The following SYMPK variants were observed in gnomAD, a reference collection of about 807,000 sequenced individuals.
SYMPK encodes the protein symplekin scaffold protein, also known as symplekin.
Under a neutral mutation model 136.4 loss-of-function variants are expected in SYMPK, and 49 were observed. That is an observed-to-expected ratio of 0.36 (90% CI 0.29 to 0.46). The LOEUF (loss-of-function observed/expected upper bound fraction) is 0.46. Among genes scored for constraint, SYMPK ranks in the 20% least tolerant of loss-of-function variants. The pLI, the probability that SYMPK is intolerant of heterozygous loss-of-function variation, is 1.00. For synonymous variants in SYMPK, 766 were observed against 713.0 expected, an observed-to-expected ratio of 1.07 and a Z score of -1.19; for missense variants, 1,365 against 1,690.0, an observed-to-expected ratio of 0.81 and a Z score of 3.37.
At chr19:45,834,116 G>A (rs1309010774) in intron 11 of SYMPK, among the ~76,000 whole-genome samples, 4 of 152,302 alleles carry the variant, frequency 2.6e-5, no homozygotes, top group South Asian at 2.1e-4. Flanking sequence ...TGAAACCCCC[G>A]TCTCTACTAA....
chr19:45,861,611 C>T (rs1971969582), intron 1 of SYMPK, among the ~76,000 whole-genome samples: 2 of 151,858 alleles, frequency 1.3e-5, no homozygotes, highest in Non-Finnish European at 2.9e-5. Context: ...TGGTGGTGTG[C>T]CTGTAATCCC....
chr19:45,859,814 G>A (rs1195233776), intron 1 of SYMPK, among the ~76,000 whole-genome samples: 6 of 151,870 alleles, frequency 4.0e-5, no homozygotes, highest in African/African-American at 9.7e-5. Context: ...GGCTGAAGCA[G>A]GAAGAGTACT....
At chr19:45,816,250 G>A in intron 25 of SYMPK, 67 bp from the exon 26 acceptor site, 2 of 1,239,562 alleles carry the variant, frequency 1.6e-6, no homozygotes, top group Non-Finnish European at 1.1e-6. Flanking sequence ...GGAAAGAGAA[G>A]GAACCACCCT....
chr19:45,821,209 G>A lies in SYMPK; in HGVS notation c.2893+175C>T, dbSNP rs1418746955. ...AAGGAGGAGGGAGGGAGGGAGGGAG[G>A]GAAGAGGAGGCAAGAAAAGGAGGGA... is the stretch of plus-strand genomic sequence containing the variant. On this transcript the variant is annotated intron_variant, in intron 22 of 26. Transcript: ENST00000245934. This position sits in a 1 kb window ranked among gnomAD's most constrained non-coding sequence, Gnocchi z 4.4. 5 of 695,592 alleles carry A rather than the reference G, an allele frequency of 7.2e-6. No individual in the cohort carries two copies. Among genetic ancestry groups the A allele is most frequent in the Middle Eastern group, 2.4e-4 (1 of 4,240 alleles). The allele number at this position is 695,592 out of a possible 1,614,324, so 43.1% of individuals were successfully genotyped here. A position where few individuals can be genotyped will look rare whatever the true frequency, so the allele number is the denominator to read the frequency against.
At chr19:45,857,578 G>A (rs1241506657) in intron 1 of SYMPK, among the ~76,000 whole-genome samples, 3 of 149,608 alleles carry the variant, frequency 2.0e-5, no homozygotes, top group Non-Finnish European at 4.4e-5. Context: ...TGCAAGCTCC[G>A]CCTCCTGGGT....
chr19:45,823,136 G>C (rs771687044), intron 20 of SYMPK, among the ~76,000 whole-genome samples: 1 of 152,228 alleles, frequency 6.6e-6, no homozygotes, highest in African/African-American at 2.4e-5. Context: ...AGGTAGAGGA[G>C]GAAGCAGCAG....
At chr19:45,862,256 T>C (rs1331640490) in intron 1 of SYMPK, among the ~76,000 whole-genome samples, 2 of 152,206 alleles carry the variant, frequency 1.3e-5, no homozygotes, top group Non-Finnish European at 2.9e-5. Flanking sequence ...GGGATGCGTG[T>C]AGCCTTTTGC....
At chr19:45,815,752 C>A (rs1213254437) in intron 26 of SYMPK, 55 bp from the exon 27 acceptor site, 5 of 1,597,640 alleles carry the variant, frequency 3.1e-6, no homozygotes, top group African/African-American at 2.7e-5. Context: ...CACCTCCACG[C>A]TCCCCTTCAG....
intron 11 of SYMPK, among the ~76,000 whole-genome samples, chr19:45,833,429 G>A (rs756049178): frequency 2.6e-4 from 40 of 151,868 alleles, no homozygotes; most frequent in Non-Finnish European, 5.3e-4. Flanking sequence ...GTGAAACCCC[G>A]TCTCTACTAA....
chr19:45,842,166 TAAATACAA>T, intron 9 of SYMPK, 76 bp downstream of exon 9: 1 of 1,574,238 alleles, frequency 6.4e-7, no homozygotes, highest in African/African-American at 1.3e-5. Context: ...ATAATCTTAG[TAAATACAA>T]ATTCAGCATA....
chr19:45,822,276 G>A (rs796657879), intron 21 of SYMPK, among the ~76,000 whole-genome samples: 11 of 152,096 alleles, frequency 7.2e-5, no homozygotes, highest in African/African-American at 2.7e-4. Context: ...CCGCCACCAC[G>A]CCTGGCTAAT....
intron 1 of SYMPK, among the ~76,000 whole-genome samples, chr19:45,862,816 A>C (rs1972005984): frequency 6.6e-6 from 1 of 152,202 alleles, no homozygotes; most frequent in East Asian, 1.9e-4. Context: ...GTGGGGGAAA[A>C]AGCAAAGAGG....
At chr19:45,817,199 C>G in intron 23 of SYMPK, 1 of 525,480 alleles carries the variant, frequency 1.9e-6, no homozygotes, top group Non-Finnish European at 3.3e-6. Flanking sequence ...GAAAACTCAG[C>G]CGCCTTTTAC....
chr19:45,843,958 AAAAAAAAAAAAAG>A, intron 8 of SYMPK, 59 bp downstream of exon 8: 1 of 1,037,750 alleles, frequency 9.6e-7, no homozygotes, highest in Non-Finnish European at 1.2e-6. Flanking sequence ...AAAAAAAAAA[AAAAAAAAAAAAAG>A]AAAGAGCAGA....
chr19:45,861,620 C>T (rs922853721), intron 1 of SYMPK, among the ~76,000 whole-genome samples: 5 of 151,636 alleles, frequency 3.3e-5, no homozygotes, highest in African/African-American at 1.2e-4. Context: ...GCCTGTAATC[C>T]CAGCTACCTG....
chr19:45,845,525 G>A (rs1168445494), intron 7 of SYMPK, among the ~76,000 whole-genome samples: 1 of 152,076 alleles, frequency 6.6e-6, no homozygotes, highest in Non-Finnish European at 1.5e-5. Flanking sequence ...CAAATGACAG[G>A]ATCTCCTTCT....
At chr19:45,825,906 T>G (rs892890685) in intron 17 of SYMPK, among the ~76,000 whole-genome samples, 56 of 152,140 alleles carry the variant, frequency 3.7e-4, no homozygotes, top group Non-Finnish European at 2.4e-4. Flanking sequence ...CATTTAATGG[T>G]CCATTTACTC....
chr19:45,821,527 C>T lies in SYMPK; in HGVS notation c.2792-42G>A, dbSNP rs921072160. 36 of 1,402,662 alleles carry T rather than the reference C, an allele frequency of 2.6e-5. No homozygotes were observed. Among genetic ancestry groups the T allele is most frequent in the Non-Finnish European group, 3.2e-5 (32 of 994,190 alleles). The allele number at this position is 1,402,662 out of a possible 1,614,324, so 86.9% of individuals were successfully genotyped here. Reference sequence around the variant, plus strand: ...GAAGGGTGGGGGAAGACAGTGCGGACGCATAAGTGAAGAGATGGGTCTGAG... The same window carrying T: ...GAAGGGTGGGGGAAGACAGTGCGGATGCATAAGTGAAGAGATGGGTCTGAG... On this transcript the variant is annotated intron_variant, in intron 21 of 26. Coordinates refer to ENST00000245934, the MANE Select transcript of SYMPK (RefSeq NM_004819.3). This position sits in a 1 kb window ranked among gnomAD's most constrained non-coding sequence, Gnocchi z 4.4.
chr19:45,852,230 A>G, intron 5 of SYMPK, 82 bp downstream of exon 5: 1 of 1,399,030 alleles, frequency 7.1e-7, no homozygotes, highest in Non-Finnish European at 1.0e-6. Context: ...CAGGCCTCTC[A>G]GTGGTGGCCT....
Sources: allele counts gnomAD v4.1 joint callset (sites outside exome capture counted in the v4.1 genomes callset), GRCh38; gene constraint gnomAD v4.1.1; non-coding constraint Gnocchi (gnomAD v3.1); transcripts MANE v1.5; gene names NCBI Gene and HGNC (gene_info 2026-07-23, HGNC 2026-07-21).